The following PRKCE variants were observed in gnomAD, a reference collection of about 807,000 sequenced individuals.
PRKCE encodes the protein protein kinase C epsilon, also known as protein kinase C epsilon type.
Under a neutral mutation model 85.4 loss-of-function variants are expected in PRKCE, and 16 were observed. The ratio of observed to expected loss-of-function variants is 0.19; its 90% CI spans 0.13 to 0.28. The LOEUF is 0.28. PRKCE is among the 10% of genes least tolerant of loss of function. The pLI, the probability that PRKCE is intolerant of heterozygous loss-of-function variation, is 1.00. For missense variants in PRKCE, 573 were observed against 975.2 expected (o/e 0.59, Z 5.49); for synonymous variants, 388 against 371.5 (o/e 1.04, Z -0.51).
At chr2:45,695,787 C>T (rs1423216641) in intron 1 of PRKCE, among the ~76,000 whole-genome samples, 1 of 152,114 alleles carries the variant, frequency 6.6e-6, no homozygotes, top group Non-Finnish European at 1.5e-5. Flanking sequence ...AAAACAGAAA[C>T]CACTAGTAGA....
At chr2:46,154,205 G>C (rs931954524) in intron 13 of PRKCE, among the ~76,000 whole-genome samples, 1 of 152,128 alleles carries the variant, frequency 6.6e-6, no homozygotes, top group Non-Finnish European at 1.5e-5. Flanking sequence ...AGCTCTGGCT[G>C]CTGGGGAGAG....
chr2:45,996,301 C>A (rs945286548), intron 6 of PRKCE, among the ~76,000 whole-genome samples: 4 of 152,126 alleles, frequency 2.6e-5, no homozygotes, highest in Admixed American at 1.3e-4. Context: ...CATCTACAAA[C>A]AAAGATAGTT....
At chr2:45,850,938 T>A (rs1216478447) in intron 2 of PRKCE, among the ~76,000 whole-genome samples, 4 of 152,238 alleles carry the variant, frequency 2.6e-5, no homozygotes, top group Admixed American at 6.5e-5. Flanking sequence ...CAGTGCCTGC[T>A]GTCAGGAAGC....
At chr2:46,135,880 T>C (rs1558491403) in intron 11 of PRKCE, among the ~76,000 whole-genome samples, 1 of 150,198 alleles carries the variant, frequency 6.7e-6, no homozygotes, top group East Asian at 2.0e-4. Context: ...GTAGAGAATG[T>C]CAGGAAGAGG....
intron 13 of PRKCE, among the ~76,000 whole-genome samples, chr2:46,151,677 C>T (rs968656546): frequency 2.0e-5 from 3 of 152,190 alleles, no homozygotes; most frequent in Admixed American, 6.5e-5. Flanking sequence ...GGGTGGGCAC[C>T]GCCCACCTGT....
Position 45,786,063 on chromosome 2 carries a change from T to A in PRKCE, c.349-56937T>A, listed in dbSNP as rs969655860. ...CAGCCCTGCTGGGTCATCGTGGGGG[T>A]GAATAGATACCTGCTTCTCTCCAGG... is the stretch of plus-strand genomic sequence containing the variant. On this transcript the variant is annotated intron_variant, in intron 1 of 14. Transcript: ENST00000306156. The surrounding 1 kb of genome is among the most constrained non-coding windows in gnomAD (Gnocchi z 5.3). Among the ~76,000 whole-genome samples, 8 of 152,152 alleles carry A rather than the reference T, an allele frequency of 5.3e-5. No individual in the cohort carries two copies. The highest frequency in any genetic ancestry group is 4.6e-4 in the Admixed American group (7 of 15,288).
intron 2 of PRKCE, among the ~76,000 whole-genome samples, chr2:45,860,391 G>A (rs747572954): frequency 7.9e-5 from 12 of 152,194 alleles, no homozygotes; most frequent in Middle Eastern, 3.2e-3. Context: ...TCAGAGGAAG[G>A]GAATTGTGCC....
At chr2:45,744,500 T>TTTTCTTTCTTTCTTTTCTTTC (rs1553397743) in intron 1 of PRKCE, among the ~76,000 whole-genome samples, 3 of 84,718 alleles carry the variant, frequency 3.5e-5, no homozygotes, top group African/African-American at 1.7e-4. Context: ...TCTTTCTTTC[T>TTTTCTTTCTTTCTTTTCTTTC]TTTCTTTCTT....
chr2:45,679,485 T>G lies in PRKCE; in HGVS notation c.348+27037T>G, dbSNP rs145951687. On this transcript the variant is annotated intron_variant, in intron 1 of 14. Transcript: ENST00000306156. Reference sequence around the variant, plus strand: ...TCTAACAGGGAAAATAAAGTCCATATATATTAAAATCTAAGTCTGTTTATA... The same window carrying G: ...TCTAACAGGGAAAATAAAGTCCATAGATATTAAAATCTAAGTCTGTTTATA... 3.6e-4 allele frequency among the ~76,000 whole-genome samples: 55 copies of G among 152,314 alleles called. 1 individual carries two copies. In the East Asian group the frequency reaches 0.01, roughly 29 times the overall value.
chr2:45,736,717 C>G (rs1482454733), intron 1 of PRKCE, among the ~76,000 whole-genome samples: 1 of 152,236 alleles, frequency 6.6e-6, no homozygotes, highest in East Asian at 1.9e-4. Flanking sequence ...CCTCTTTCCT[C>G]TCATTGTCCT....
At chr2:45,986,337 A>G (rs921190269) in intron 6 of PRKCE, among the ~76,000 whole-genome samples, 1 of 152,170 alleles carries the variant, frequency 6.6e-6, no homozygotes, top group African/African-American at 2.4e-5. Context: ...AGAATGTTTT[A>G]GTCAGGAAAA....
chr2:46,115,512 T>C (rs1366547019), intron 11 of PRKCE, among the ~76,000 whole-genome samples: 1 of 152,190 alleles, frequency 6.6e-6, no homozygotes, highest in Admixed American at 6.5e-5. Context: ...AAGCCCCATT[T>C]CTCTTCAAGC....
intron 1 of PRKCE, among the ~76,000 whole-genome samples, chr2:45,745,093 G>A (rs375128991): frequency 2.0e-4 from 30 of 152,288 alleles, no homozygotes; most frequent in African/African-American, 7.2e-4. Context: ...CAGGGAGTGA[G>A]GGGAGTTTGA....
rs1170933914 is a variant in PRKCE at position 46,085,736 on chromosome 2, GTT to G, written c.1438-461_1438-460del. Among the ~76,000 whole-genome samples, 29 of 104,574 alleles carry G rather than the reference GTT, an allele frequency of 2.8e-4. 1 individual carries two copies. The highest frequency in any genetic ancestry group is 8.7e-4 in the African/African-American group (20 of 22,956). The allele number at this position is 104,574 out of a possible 152,430, so 68.6% of individuals were successfully genotyped here. A position where few individuals can be genotyped will look rare whatever the true frequency, so the allele number is the denominator to read the frequency against. On this transcript the variant is annotated intron_variant, in intron 10 of 14. Transcript: ENST00000306156. Reference sequence around the variant, plus strand: ...TCACTTAATTACATCTGCAAAATCCGTTTTTTTTTTTTGTTTTTGTTTTTTTT... The same window carrying G: ...TCACTTAATTACATCTGCAAAATCCGTTTTTTTTTTGTTTTTGTTTTTTTT...
intron 6 of PRKCE, among the ~76,000 whole-genome samples, chr2:45,991,396 C>T (rs930853125): frequency 1.3e-5 from 2 of 152,190 alleles, no homozygotes; most frequent in African/African-American, 4.8e-5. Flanking sequence ...TCTGTTTACC[C>T]AGCATCTAGA....
At chr2:46,080,042 T>C (rs1668925150) in intron 10 of PRKCE, among the ~76,000 whole-genome samples, 1 of 152,218 alleles carries the variant, frequency 6.6e-6, no homozygotes, top group African/African-American at 2.4e-5. Flanking sequence ...GCTTTTAAAA[T>C]CTTTGATTAC....
intron 2 of PRKCE, 38 bp from the exon 3 acceptor site, chr2:45,976,391 C>G (rs771481628): frequency 6.3e-7 from 1 of 1,589,896 alleles, no homozygotes; most frequent in Non-Finnish European, 8.5e-7. Flanking sequence ...TGCACTAACC[C>G]AGACTCCGTT....
intron 11 of PRKCE, among the ~76,000 whole-genome samples, chr2:46,115,008 C>G (rs1484526587): frequency 6.6e-6 from 1 of 152,162 alleles, no homozygotes. Flanking sequence ...TGAGGACATA[C>G]CAGGACAGTC....
intron 6 of PRKCE, among the ~76,000 whole-genome samples, chr2:45,992,227 A>T (rs1366959671): frequency 6.6e-6 from 1 of 152,156 alleles, no homozygotes; most frequent in Admixed American, 6.5e-5. Flanking sequence ...AACATCCACA[A>T]TGCCTGGGGA....
Sources: gnomAD v4.1 joint callset for allele counts (sites outside exome capture counted in the v4.1 genomes callset) on GRCh38, gnomAD v4.1.1 for gene constraint, Gnocchi (gnomAD v3.1) non-coding constraint, MANE v1.5 for transcripts, NCBI Gene and HGNC (gene_info 2026-07-23, HGNC 2026-07-21) for gene names.